PTPRD: variants seen among roughly 807,000 people sequenced by gnomAD.
PTPRD encodes the protein protein tyrosine phosphatase receptor type D.
A neutral mutation model predicts 214.5 loss-of-function variants in PTPRD; 34 were observed. That is an observed-to-expected ratio of 0.16 (90% CI 0.12 to 0.21). The LOEUF (loss-of-function observed/expected upper bound fraction) is 0.21. Ranked by LOEUF, PTPRD falls within the 10% of genes least tolerant of loss-of-function variation. The probability of loss-of-function intolerance (pLI) is 1.00; values close to 1 mark genes in which losing one functional copy is unlikely to be tolerated. For synonymous variants in PTPRD, 1,128 were observed against 845.7 expected, an observed-to-expected ratio of 1.33 and a Z score of -5.79; for missense variants, 2,545 against 2,398.7, an observed-to-expected ratio of 1.06 and a Z score of -1.27.
At chr9:8,873,062 T>G (rs183250884) in intron 11 of PTPRD, among the ~76,000 whole-genome samples, 1 of 152,332 alleles carries the variant, frequency 6.6e-6, no homozygotes, top group East Asian at 1.9e-4. Flanking sequence ...GTGTACAGTG[T>G]TACTGCAGCG....
chr9:9,934,693 A>G (rs1409827683), intron 5 of PTPRD, among the ~76,000 whole-genome samples: 1 of 151,338 alleles, frequency 6.6e-6, no homozygotes, highest in African/African-American at 2.4e-5. Context: ...TCCAATCAAC[A>G]GAAAAAGAGG....
intron 3 of PTPRD, among the ~76,000 whole-genome samples, chr9:10,264,458 C>A (rs1441353903): frequency 6.6e-6 from 1 of 152,156 alleles, no homozygotes; most frequent in Non-Finnish European, 1.5e-5. Context: ...CAAAGGAGAT[C>A]ATTTTGGAGC....
At chr9:10,513,079 T>A (rs1044870240) in intron 2 of PTPRD, among the ~76,000 whole-genome samples, 4 of 152,052 alleles carry the variant, frequency 2.6e-5, no homozygotes, top group African/African-American at 9.7e-5. Flanking sequence ...GAGGAGAAGA[T>A]GATCTTCAGT....
intron 3 of PTPRD, among the ~76,000 whole-genome samples, chr9:10,339,529 T>A (rs889524812): frequency 2.6e-5 from 4 of 151,734 alleles, no homozygotes; most frequent in Non-Finnish European, 5.9e-5. Context: ...GCTATCATGA[T>A]ATCTATTCTC....
At chr9:9,584,082 C>T (rs603229) in intron 7 of PTPRD, among the ~76,000 whole-genome samples, 41,940 of 151,560 alleles carry the variant, frequency 0.28, 6,168 homozygotes, top group Non-Finnish European at 0.32. Context: ...GATAGTTCTG[C>T]CTTGTTAGAA....
chr9:9,967,561 A>T (rs914749636), intron 4 of PTPRD, among the ~76,000 whole-genome samples: 1 of 152,206 alleles, frequency 6.6e-6, no homozygotes, highest in Non-Finnish European at 1.5e-5. Context: ...CAGTGACCAT[A>T]AAAGATGAAT....
intron 8 of PTPRD, among the ~76,000 whole-genome samples, chr9:9,399,364 G>A (rs10121456): frequency 0.27 from 40,705 of 151,684 alleles, 5,612 homozygotes; most frequent in Middle Eastern, 0.31. Flanking sequence ...AATCCCCTCT[G>A]GTTCTCATCA....
chr9:8,928,133 T>G (rs906362258), intron 11 of PTPRD, among the ~76,000 whole-genome samples: 1 of 152,172 alleles, frequency 6.6e-6, no homozygotes, highest in Non-Finnish European at 1.5e-5. Flanking sequence ...TTGCAAAAAT[T>G]TTCTCCCATT....
At chr9:9,410,385 G>T (rs370133522) in intron 8 of PTPRD, among the ~76,000 whole-genome samples, 1 of 152,160 alleles carries the variant, frequency 6.6e-6, no homozygotes, top group East Asian at 1.9e-4. Context: ...AAAGAAAAAT[G>T]ATTTGTGTCA....
At chr9:8,397,121 T>C (rs915101062) in intron 36 of PTPRD, among the ~76,000 whole-genome samples, 3 of 152,118 alleles carry the variant, frequency 2.0e-5, no homozygotes, top group African/African-American at 7.2e-5. Context: ...TTATTGTTTT[T>C]AAATGAGTTT....
intron 39 of PTPRD, among the ~76,000 whole-genome samples, chr9:8,360,940 A>G (rs1308416026): frequency 6.6e-6 from 1 of 152,196 alleles, no homozygotes; most frequent in East Asian, 1.9e-4. Flanking sequence ...CCCTGCATCA[A>G]TTAATAATCC....
intron 5 of PTPRD, among the ~76,000 whole-genome samples, chr9:9,854,397 T>G (rs1167890845): frequency 6.6e-6 from 1 of 152,118 alleles, no homozygotes; most frequent in African/African-American, 2.4e-5. Context: ...TTCTTCTGCA[T>G]TTGACAGAGT....
At chr9:10,183,251 C>T (rs766872017) in intron 3 of PTPRD, among the ~76,000 whole-genome samples, 1 of 151,868 alleles carries the variant, frequency 6.6e-6, no homozygotes, top group Admixed American at 6.6e-5. Flanking sequence ...AGAATGGGTA[C>T]CTCAGAAAAA....
At chr9:9,960,996 T>C (rs981999916) in intron 4 of PTPRD, among the ~76,000 whole-genome samples, 5 of 151,770 alleles carry the variant, frequency 3.3e-5, no homozygotes, top group African/African-American at 1.2e-4. Context: ...AACAAGTGGG[T>C]GAAAGATATG....
intron 3 of PTPRD, among the ~76,000 whole-genome samples, chr9:10,337,308 T>A (rs1338502582): frequency 6.6e-6 from 1 of 151,692 alleles, no homozygotes; most frequent in Non-Finnish European, 1.5e-5. Flanking sequence ...AGTATACATG[T>A]ATATATAGAT....
chr9:8,534,449 T>A lies in PTPRD; in HGVS notation c.353-5670A>T, dbSNP rs559728029. On this transcript the variant is annotated intron_variant, in intron 14 of 45. Coordinates refer to ENST00000381196, the MANE Select transcript of PTPRD (RefSeq NM_002839.4). The stretch of plus-strand genomic sequence containing the variant: ...TTCCTTCACTGACAGGAATACAGAT[T>A]TCTAAGTCACTGGATATCTTACGGT... 5.9e-5 allele frequency among the ~76,000 whole-genome samples: 9 copies of A among 152,034 alleles called. No homozygotes were observed. In the South Asian group the frequency reaches 1.9e-3, roughly 31 times the overall value.
At chr9:10,424,542 T>C (rs545738235) in intron 2 of PTPRD, among the ~76,000 whole-genome samples, 2 of 151,954 alleles carry the variant, frequency 1.3e-5, no homozygotes, top group African/African-American at 4.8e-5. Context: ...GAAAGTATCA[T>C]GTGGATGCTC....
chr9:9,763,656 A>T (rs2098680818), intron 6 of PTPRD, among the ~76,000 whole-genome samples: 1 of 152,128 alleles, frequency 6.6e-6, no homozygotes, highest in Admixed American at 6.5e-5. Flanking sequence ...TACCTTCAAG[A>T]ACAAAGTAAA....
rs371951087 is a variant in PTPRD, at chr9:8,929,855, A to ATGTG, written c.-104+88838_-104+88841dup. 9.0e-5 allele frequency among the ~76,000 whole-genome samples: 6 copies of ATGTG among 66,352 alleles called. 1 individual carries two copies. In the East Asian group the frequency reaches 4.9e-3, roughly 54 times the overall value. 43.5% of individuals were successfully genotyped at this position (66,352 alleles called of 152,430 possible). ...TGTGTATATATATGTGTGTATATAT[A>ATGTG]TGTGTATATACATGTGTGTGTATAT... is the stretch of plus-strand genomic sequence containing the variant. On this transcript the variant is annotated intron_variant, in intron 11 of 45. Coordinates refer to ENST00000381196, the MANE Select transcript of PTPRD (RefSeq NM_002839.4).
Sources: gnomAD v4.1 joint callset for allele counts (sites outside exome capture counted in the v4.1 genomes callset) on GRCh38, gnomAD v4.1.1 for gene constraint, MANE v1.5 for transcripts, NCBI Gene and HGNC (gene_info 2026-07-23, HGNC 2026-07-21) for gene names.